KCNIP1: variants seen among roughly 807,000 people sequenced by gnomAD.
KCNIP1 encodes A-type potassium channel modulatory protein KCNIP1.
In KCNIP1, 18 loss-of-function variants were observed where a neutral mutation model predicts 33.0. The ratio of observed to expected loss-of-function variants is 0.55; its 90% confidence interval spans 0.38 to 0.81. The LOEUF is 0.81. Among genes scored for constraint, KCNIP1 ranks in the 30% least tolerant of loss-of-function variants. KCNIP1 has a pLI of 0.00. For missense variants in KCNIP1, 238 were observed against 271.6 expected (o/e 0.88, Z 0.87); for synonymous variants, 93 against 98.3 (o/e 0.95, Z 0.32).
chr5:170,654,179 C>T lies in KCNIP1; in HGVS notation c.62-64579C>T, dbSNP rs761407351. Among the ~76,000 whole-genome samples the T allele has an allele frequency of 1.1e-3, 168 of 152,292 alleles. 1 individual carries two copies. The highest frequency in any genetic ancestry group is 1.5e-3 in the Non-Finnish European group (101 of 68,022). ...TTCTCTGAGAAGGCTGCCCTGGTCC[C>T]TGCAACCGCTATGAGCTGCCTTTTC... On this transcript the variant is annotated intron_variant, in intron 1 of 7. Transcript: ENST00000328939.
At chr5:170,498,009 C>T (rs1434076816) in intron 1 of KCNIP1, among the ~76,000 whole-genome samples, 3 of 152,264 alleles carry the variant, frequency 2.0e-5, no homozygotes, top group Non-Finnish European at 4.4e-5. Context: ...GTCCTGCTCC[C>T]TCCAGAACAT....
intron 1 of KCNIP1, among the ~76,000 whole-genome samples, chr5:170,643,497 A>C (rs751019104): frequency 3.9e-5 from 6 of 152,212 alleles, no homozygotes; most frequent in Non-Finnish European, 8.8e-5. Flanking sequence ...GCTGGGAGTT[A>C]GTATCTAGTC....
intron 1 of KCNIP1, among the ~76,000 whole-genome samples, chr5:170,702,086 C>T (rs1326036343): frequency 1.3e-5 from 2 of 152,212 alleles, no homozygotes; most frequent in Non-Finnish European, 2.9e-5. Context: ...AACAGTGCCT[C>T]CCATGACCCA....
upstream of KCNIP1, among the ~76,000 whole-genome samples, chr5:170,503,059 G>C (rs914351693): frequency 1.3e-5 from 2 of 152,076 alleles, no homozygotes; most frequent in African/African-American, 4.8e-5. Context: ...AGCTGGAAAG[G>C]GAGAAGAGGT....
At chr5:170,547,445 T>C (rs550745938) in intron 1 of KCNIP1, among the ~76,000 whole-genome samples, 1 of 152,328 alleles carries the variant, frequency 6.6e-6, no homozygotes, top group South Asian at 2.1e-4. Context: ...ATATGTGTCA[T>C]GGGGGTTTGT....
At chr5:170,513,413 G>T (rs1755013135) in intron 1 of KCNIP1, among the ~76,000 whole-genome samples, 2 of 151,778 alleles carry the variant, frequency 1.3e-5, no homozygotes, top group Non-Finnish European at 2.9e-5. Context: ...AATCAAGCTT[G>T]TCTGTTTTTC....
intron 1 of KCNIP1, among the ~76,000 whole-genome samples, chr5:170,623,123 T>C (rs2113648220): frequency 6.6e-6 from 1 of 152,332 alleles, no homozygotes; most frequent in South Asian, 2.1e-4. Flanking sequence ...CAGGCGGTAA[T>C]GCTTGCTCGC....
intron 1 of KCNIP1, among the ~76,000 whole-genome samples, chr5:170,618,500 G>GGAGGAAGGA (rs1759474839): frequency 1.2e-5 from 1 of 86,156 alleles, no homozygotes; most frequent in Non-Finnish European, 2.3e-5. Context: ...GGGAGGGAGG[G>GGAGGAAGGA]AGGAAAGGAG....
intron 1 of KCNIP1, among the ~76,000 whole-genome samples, chr5:170,497,013 C>T (rs12519751): frequency 1.1e-4 from 16 of 152,012 alleles, no homozygotes; most frequent in African/African-American, 3.9e-4. Flanking sequence ...AGAGGGATCT[C>T]GGTGAAGTCT....
At chr5:170,590,270 A>T (rs975814550) in intron 1 of KCNIP1, among the ~76,000 whole-genome samples, 1 of 152,126 alleles carries the variant, frequency 6.6e-6, no homozygotes, top group African/African-American at 2.4e-5. Context: ...TGGGCCAAAG[A>T]TACTTCCAGC....
upstream of KCNIP1, among the ~76,000 whole-genome samples, chr5:170,503,438 C>T (rs1012935460): frequency 8.6e-5 from 13 of 151,610 alleles, no homozygotes; most frequent in Non-Finnish European, 1.5e-4. Flanking sequence ...TGTAAGGGCC[C>T]AGAGGGGCTG....
At chr5:170,531,623 C>T (rs1046871226) in intron 1 of KCNIP1, among the ~76,000 whole-genome samples, 1 of 152,202 alleles carries the variant, frequency 6.6e-6, no homozygotes, top group African/African-American at 2.4e-5. Flanking sequence ...CAAGCCTGCT[C>T]CTAATGAGGA....
intron 1 of KCNIP1, among the ~76,000 whole-genome samples, chr5:170,526,212 C>T (rs1273103578): frequency 1.3e-5 from 2 of 152,224 alleles, no homozygotes; most frequent in Non-Finnish European, 2.9e-5. Flanking sequence ...AAAGTTCAAC[C>T]TACATGCTGT....
intron 1 of KCNIP1, among the ~76,000 whole-genome samples, chr5:170,356,984 T>C (rs533567126): frequency 2.2e-4 from 33 of 152,230 alleles, no homozygotes; most frequent in Middle Eastern, 3.4e-3. Flanking sequence ...TGAGCTTGCA[T>C]AGTGTCTAGG....
At chr5:170,515,372 A>T (rs1363174626) in intron 1 of KCNIP1, among the ~76,000 whole-genome samples, 2 of 151,950 alleles carry the variant, frequency 1.3e-5, no homozygotes, top group Non-Finnish European at 2.9e-5. Flanking sequence ...CTAAGTGACC[A>T]CTCTATACGT....
chr5:170,427,567 G>T (rs1052891173), intron 1 of KCNIP1, among the ~76,000 whole-genome samples: 11 of 152,138 alleles, frequency 7.2e-5, no homozygotes, highest in African/African-American at 2.7e-4. Context: ...TTCATCCCCA[G>T]CTGAGAACCA....
At chr5:170,464,632 A>G (rs1011764811) in intron 1 of KCNIP1, among the ~76,000 whole-genome samples, 5 of 152,206 alleles carry the variant, frequency 3.3e-5, no homozygotes, top group Non-Finnish European at 7.4e-5. Context: ...AATATGGGGA[A>G]TTGCTTGAGG....
intron 1 of KCNIP1, among the ~76,000 whole-genome samples, chr5:170,465,598 T>C (rs980738133): frequency 6.6e-6 from 1 of 152,208 alleles, no homozygotes; most frequent in East Asian, 1.9e-4. Flanking sequence ...GACAGTCCAC[T>C]GGTGGAGTCA....
Position 170,718,803 on chromosome 5 carries a change from C to G in KCNIP1, c.107C>G (p.Pro36Arg). 1.2e-6 allele frequency: 2 copies of G among 1,611,920 alleles called. No individual in the cohort carries two copies. Among genetic ancestry groups the G allele is most frequent in the Non-Finnish European group, 1.7e-6 (2 of 1,179,244 alleles). The part of the protein sequence containing the change: ...ELEMTMVCHR[P>R]EGLEQLEAQT... Reference sequence around the variant, plus strand: ...GAGATGACCATGGTTTGCCATCGGCCCGAGGGACTGGAGCAGCTCGAGGCC... The same window carrying G: ...GAGATGACCATGGTTTGCCATCGGCGCGAGGGACTGGAGCAGCTCGAGGCC... The change falls in exon 2 of 8, where the codon CCC (proline) becomes CGC (arginine). Residue 36 changes from proline (P) to arginine (R), a missense_variant. By Grantham distance (103) the Pro-to-Arg change is moderately radical. Coordinates refer to ENST00000328939, the MANE Select transcript of KCNIP1 (RefSeq NM_014592.4).
Sources: gnomAD v4.1 joint callset for allele counts (sites outside exome capture counted in the v4.1 genomes callset) on GRCh38, gnomAD v4.1.1 for gene constraint, MANE v1.5 for transcripts, NCBI Gene and HGNC (gene_info 2026-07-23, HGNC 2026-07-21) for gene names.